The following ITGA2 variants were observed in gnomAD, a reference collection of about 807,000 sequenced individuals.
The protein encoded by ITGA2 is integrin alpha-2.
Under a neutral mutation model 146.3 loss-of-function variants are expected in ITGA2, and 101 were observed. That is an observed-to-expected ratio of 0.69 (90% CI 0.59 to 0.81). The LOEUF (loss-of-function observed/expected upper bound fraction) is 0.81. Ranked by LOEUF, ITGA2 falls within the 40% of genes least tolerant of loss-of-function variation. The pLI is 0.00. For missense variants in ITGA2, 1,281 were observed against 1,402.7 expected, an observed-to-expected ratio of 0.91 and a Z score of 1.39; for synonymous variants, 477 against 487.1, an observed-to-expected ratio of 0.98 and a Z score of 0.27.
chr5:53,085,564 C>T (rs963362520), intron 27 of ITGA2, among the ~76,000 whole-genome samples: 3 of 152,032 alleles, frequency 2.0e-5, no homozygotes, highest in Non-Finnish European at 4.4e-5. Context: ...TTAATGTTTC[C>T]CCCAATAATA....
intron 10 of ITGA2, among the ~76,000 whole-genome samples, chr5:53,058,661 G>A (rs1285836748): frequency 6.6e-6 from 1 of 151,426 alleles, no homozygotes; most frequent in African/African-American, 2.4e-5. Context: ...CAGGAGGTGA[G>A]AGAGATAGTG....
intron 7 of ITGA2, among the ~76,000 whole-genome samples, chr5:53,055,293 G>T (rs950751038): frequency 2.6e-5 from 4 of 152,016 alleles, no homozygotes; most frequent in African/African-American, 9.7e-5. Context: ...ATAAATACAT[G>T]CACACATATA....
intron 3 of ITGA2, 134 bp downstream of exon 3, chr5:53,042,355 G>C (rs1743843796): frequency 3.0e-6 from 2 of 674,612 alleles, no homozygotes; most frequent in African/African-American, 3.6e-5. Flanking sequence ...AGTAATATGG[G>C]GCACAATCAT....
intron 20 of ITGA2, among the ~76,000 whole-genome samples, chr5:53,073,638 A>T (rs1394586428): frequency 6.6e-6 from 1 of 151,896 alleles, no homozygotes; most frequent in East Asian, 1.9e-4. Context: ...TGCCAAGATG[A>T]TGCACGCCAG....
intron 1 of ITGA2, among the ~76,000 whole-genome samples, chr5:52,996,574 A>G (rs1395642912): frequency 6.6e-6 from 1 of 152,202 alleles, no homozygotes; most frequent in African/African-American, 2.4e-5. Context: ...AGAGGTATGG[A>G]AAAAGGTACC....
Position 53,051,471 on chromosome 5 carries a change from A to G in ITGA2, c.691A>G (p.Thr231Ala), listed in dbSNP as rs1744359959. 6.2e-7 allele frequency: 1 copy of G among 1,613,510 alleles called. No homozygotes were observed. Among genetic ancestry groups the G allele is most frequent in the African/African-American group, 1.3e-5 (1 of 74,896 alleles). Residue 231 changes from threonine (T) to alanine (A), a missense_variant, in exon 7 of 30, where the codon ACC (threonine) becomes GCC (alanine). This residue lies in a region of ITGA2 where 795 missense variants were observed against 841.7 expected (regional missense o/e 0.94). Coordinates refer to ENST00000296585, the MANE Select transcript of ITGA2 (RefSeq NM_002203.4). ...RVVFNLNTYK[T>A]KEEMIVATSQ... ...TGTGTTTAACTTGAACACATATAAAACCAAAGAAGAAATGATTGTAGCAAC... is the reference window on the plus strand; with the variant it reads ...TGTGTTTAACTTGAACACATATAAAGCCAAAGAAGAAATGATTGTAGCAAC...
In ITGA2 at chr5:53,058,027, A is replaced by G; in HGVS notation, c.1099A>G (p.Thr367Ala). 1.2e-6 allele frequency: 2 copies of G among 1,608,414 alleles called. No individual in the cohort carries two copies. Among genetic ancestry groups the G allele is most frequent in the South Asian group, 1.1e-5 (1 of 90,976 alleles). ...LGEQIFSIEGTVQGGDNFQME... is the reference protein window; with the variant it reads ...LGEQIFSIEGAVQGGDNFQME... ...ATTTTTAAAATTGAATGTTCCAGGT[A>G]CTGTTCAAGGAGGAGACAACTTTCA... The change falls in exon 10 of 30, where the codon ACT (threonine) becomes GCT (alanine). Residue 367 changes from threonine (T) to alanine (A), a missense_variant and splice_region_variant. Thr to Ala is a moderately conservative substitution (Grantham distance 58). This residue lies in a region of ITGA2 where 795 missense variants were observed against 841.7 expected (regional missense o/e 0.94). Coordinates refer to ENST00000296585, the MANE Select transcript of ITGA2 (RefSeq NM_002203.4).
At chr5:53,080,922 T>C (rs951705257) in intron 25 of ITGA2, among the ~76,000 whole-genome samples, 2 of 152,138 alleles carry the variant, frequency 1.3e-5, no homozygotes, top group African/African-American at 4.8e-5. Context: ...TGGACCTATA[T>C]GGGGAGCATA....
chr5:53,088,667 CAGAG>C (rs938305102), intron 28 of ITGA2, among the ~76,000 whole-genome samples: 3 of 120,222 alleles, frequency 2.5e-5, no homozygotes, highest in Admixed American at 1.1e-4. Context: ...GCCTGTATAA[CAGAG>C]AGAGACTCTG....
chr5:53,048,128 T>C (rs1744181857), intron 4 of ITGA2, among the ~76,000 whole-genome samples: 1 of 152,124 alleles, frequency 6.6e-6, no homozygotes, highest in South Asian at 2.1e-4. Flanking sequence ...TGACACCTGC[T>C]CCCAACAGTC....
chr5:53,022,803 C>A (rs1742752652), intron 1 of ITGA2, among the ~76,000 whole-genome samples: 1 of 152,188 alleles, frequency 6.6e-6, no homozygotes. Context: ...TGGATTCAAG[C>A]TATCCTCCTG....
chr5:53,054,745 G>C (rs1007626216), intron 7 of ITGA2, among the ~76,000 whole-genome samples: 1 of 152,058 alleles, frequency 6.6e-6, no homozygotes, highest in African/African-American at 2.4e-5. Flanking sequence ...TTGATGCAAA[G>C]GCATAAGAAT....
chr5:52,990,040 A>G (rs180926386), intron 1 of ITGA2: 45 of 175,220 alleles, frequency 2.6e-4, no homozygotes, highest in African/African-American at 8.2e-4. Flanking sequence ...GCGAGCCCCA[A>G]AATGCTTATT....
At position 53,086,919 on chromosome 5, in the gene ITGA2, C is replaced by T. The variant is rs372624773; in HGVS notation, c.3259-33C>T. On this transcript the variant is annotated intron_variant, in intron 27 of 29. Transcript: ENST00000296585. ...AGCTTCTCTGCATTTGCTGCTGCTA[C>T]GATAAAACATATTCCTTATTCTTAT... 32 of 1,527,920 alleles carry T rather than the reference C, an allele frequency of 2.1e-5. No homozygotes were observed. In the South Asian group the frequency reaches 2.9e-4, roughly 14 times the overall value. 94.6% of individuals were successfully genotyped at this position (1,527,920 alleles called of 1,614,324 possible).
intron 16 of ITGA2, among the ~76,000 whole-genome samples, chr5:53,069,774 T>C (rs1291834887): frequency 6.6e-6 from 1 of 151,900 alleles, no homozygotes; most frequent in Admixed American, 6.6e-5. Context: ...GTCTCCGTGT[T>C]ATGAGTAATG....
chr5:53,017,099 C>A (rs1022320528), intron 1 of ITGA2, among the ~76,000 whole-genome samples: 1 of 152,186 alleles, frequency 6.6e-6, no homozygotes, highest in African/African-American at 2.4e-5. Context: ...TCAGCCACTT[C>A]AGCCTGGGTA....
At chr5:53,015,436 T>G (rs1296755200) in intron 1 of ITGA2, among the ~76,000 whole-genome samples, 2 of 151,142 alleles carry the variant, frequency 1.3e-5, no homozygotes, top group Non-Finnish European at 2.9e-5. Context: ...ATTTCTATTT[T>G]TATTGTGCTG....
rs3212580 is a variant in ITGA2, at chr5:53,071,885, T to C, written c.2236-53T>C. On this transcript the variant is annotated intron_variant, in intron 17 of 29. Coordinates refer to ENST00000296585, the MANE Select transcript of ITGA2 (RefSeq NM_002203.4). ...TTTTCTTGTTTTAATGTTGCTATGC[T>C]CTAATAAACTGACTCTGTCTCCCCC... 0.09 allele frequency: 115,400 copies of C among 1,275,642 alleles called. 6,021 individuals are homozygous for C. The highest frequency in any genetic ancestry group is 0.19 in the African/African-American group (12,880 of 68,500). The allele number at this position is 1,275,642 out of a possible 1,614,324, so 79.0% of individuals were successfully genotyped here.
Position 53,075,201 on chromosome 5 carries a change from C to A in ITGA2, c.2742-20C>A. On this transcript the variant is annotated intron_variant, in intron 22 of 29. Coordinates refer to ENST00000296585, the MANE Select transcript of ITGA2 (RefSeq NM_002203.4). Reference sequence around the variant, plus strand: ...CTTTGTATTTCTCTTTAAGTAATTTCCTAATGTTTCTTTCTATAGTGAAAG... The same window carrying A: ...CTTTGTATTTCTCTTTAAGTAATTTACTAATGTTTCTTTCTATAGTGAAAG... 1 of 1,610,428 alleles carries A rather than the reference C, an allele frequency of 6.2e-7. No individual in the cohort carries two copies. The highest frequency in any genetic ancestry group is 8.5e-7 in the Non-Finnish European group (1 of 1,177,348).
Sources: allele counts gnomAD v4.1 joint callset (sites outside exome capture counted in the v4.1 genomes callset), GRCh38; gene constraint gnomAD v4.1.1; regional missense constraint gnomAD v4.1.1; transcripts MANE v1.5; gene names NCBI Gene and HGNC (gene_info 2026-07-23, HGNC 2026-07-21).